The following ATL1 variants were observed in gnomAD, a reference collection of about 807,000 sequenced individuals.
ATL1 encodes atlastin-1.
A neutral mutation model predicts 75.5 loss-of-function variants in ATL1; 31 were observed. The observed-to-expected ratio is 0.41, with a 90% CI of 0.31 to 0.55. ATL1 has a LOEUF of 0.55. ATL1 is among the 20% of genes least tolerant of loss of function. The pLI is 0.27. For missense variants in ATL1, 405 were observed against 662.6 expected, an observed-to-expected ratio of 0.61 and a Z score of 4.27; for synonymous variants, 226 against 233.3, an observed-to-expected ratio of 0.97 and a Z score of 0.28.
At chr14:50,563,995 A>G (rs1461844973) in intron 1 of ATL1, among the ~76,000 whole-genome samples, 1 of 152,160 alleles carries the variant, frequency 6.6e-6, no homozygotes, top group East Asian at 1.9e-4. Context: ...GTTTGCTTCC[A>G]CAGTCCATGC....
intron 4 of ATL1, 62 bp downstream of exon 4, chr14:50,591,701 C>G: frequency 2.6e-6 from 3 of 1,146,950 alleles, no homozygotes; most frequent in Non-Finnish European, 1.3e-6. Context: ...ATATGTGTTT[C>G]TACATACATG....
chr14:50,559,695 C>T (rs1454815773), upstream of ATL1: 1 of 153,322 alleles, frequency 6.5e-6, no homozygotes, highest in Admixed American at 6.5e-5. Flanking sequence ...TATACATATA[C>T]AAAAATGCAT....
At chr14:50,593,779 A>C (rs2039186306) in intron 4 of ATL1, 67 bp from the exon 5 acceptor site, 4 of 1,007,196 alleles carry the variant, frequency 4.0e-6, no homozygotes, top group South Asian at 2.6e-5. Context: ...AAAAGTAGGG[A>C]ATGATGAAGT....
intron 1 of ATL1, among the ~76,000 whole-genome samples, chr14:50,586,333 C>T (rs2039101858): frequency 6.6e-6 from 1 of 152,168 alleles, no homozygotes; most frequent in Admixed American, 6.6e-5. Flanking sequence ...TGAGATGAGA[C>T]TGCCAGCAGG....
At chr14:50,587,317 T>A (rs933720639) in intron 1 of ATL1, among the ~76,000 whole-genome samples, 1 of 152,256 alleles carries the variant, frequency 6.6e-6, no homozygotes, top group Non-Finnish European at 1.5e-5. Context: ...TTCAGTCATA[T>A]GATCAGAAAG....
chr14:50,625,628 T>C (rs2140236911), intron 11 of ATL1, among the ~76,000 whole-genome samples: 1 of 152,216 alleles, frequency 6.6e-6, no homozygotes, highest in South Asian at 2.1e-4. Flanking sequence ...CACTTAAGAA[T>C]CATGCTAGGC....
At chr14:50,597,965 G>C (rs143348569) in intron 6 of ATL1, among the ~76,000 whole-genome samples, 68 of 152,246 alleles carry the variant, frequency 4.5e-4, no homozygotes, top group African/African-American at 1.6e-3. Context: ...AAAGTGCTGG[G>C]ATTACAGGCG....
chr14:50,556,901 G>T (rs1376219775), upstream of ATL1, among the ~76,000 whole-genome samples: 2 of 152,002 alleles, frequency 1.3e-5, no homozygotes, highest in South Asian at 2.1e-4. Context: ...CTAGTTATTT[G>T]GCACTGGGAT....
intron 8 of ATL1, among the ~76,000 whole-genome samples, chr14:50,620,311 G>T (rs1436935631): frequency 6.6e-6 from 1 of 152,060 alleles, no homozygotes; most frequent in Non-Finnish European, 1.5e-5. Flanking sequence ...ATATGAATGG[G>T]CTACATACAA....
intron 1 of ATL1, among the ~76,000 whole-genome samples, chr14:50,534,692 A>G (rs2038471075): frequency 6.6e-6 from 1 of 152,268 alleles, no homozygotes; most frequent in African/African-American, 2.4e-5. Flanking sequence ...GTGGTTAAAA[A>G]GTCGAGACTC....
chr14:50,540,630 C>T (rs79674187), intron 1 of ATL1, among the ~76,000 whole-genome samples: 18 of 152,028 alleles, frequency 1.2e-4, no homozygotes, highest in Admixed American at 9.8e-4. Context: ...CTCAAAATAC[C>T]GCCAAAATTC....
chr14:50,597,157 C>T (rs184123805), intron 6 of ATL1, among the ~76,000 whole-genome samples: 1 of 134,696 alleles, frequency 7.4e-6, no homozygotes, highest in East Asian at 2.3e-4. Flanking sequence ...TGCAGTGAGC[C>T]AAGATTGCAC....
At chr14:50,627,893 G>C in intron 11 of ATL1, 138 bp from the exon 12 acceptor site, 1 of 781,784 alleles carries the variant, frequency 1.3e-6, no homozygotes, top group Non-Finnish European at 2.1e-6. Context: ...GTGGAAAGAT[G>C]TGGGCTGACA....
chr14:50,571,665 C>A (rs1055019694), intron 1 of ATL1, among the ~76,000 whole-genome samples: 6 of 152,074 alleles, frequency 3.9e-5, no homozygotes, highest in Non-Finnish European at 8.8e-5. Context: ...TCTTGCATTT[C>A]TAGAATAAAT....
chr14:50,533,082 A>C (rs906383887), exon 1 of ATL1: 2 of 152,300 alleles, frequency 1.3e-5, no homozygotes, highest in African/African-American at 2.4e-5. Context: ...CGGTGGTACC[A>C]GTTTGAGGCT....
chr14:50,598,429 C>T (rs778528481), intron 6 of ATL1, among the ~76,000 whole-genome samples: 2 of 151,870 alleles, frequency 1.3e-5, no homozygotes, highest in African/African-American at 2.4e-5. Flanking sequence ...GTCATGATCT[C>T]GGCTCACTAC....
At chr14:50,558,439 C>T (rs1292287519), upstream of ATL1, among the ~76,000 whole-genome samples, 1 of 152,140 alleles carries the variant, frequency 6.6e-6, no homozygotes, top group South Asian at 2.1e-4. Context: ...AGGCAAGGAT[C>T]AATGGATGCT....
intron 1 of ATL1, among the ~76,000 whole-genome samples, chr14:50,539,353 G>A (rs2038533349): frequency 6.6e-6 from 1 of 152,230 alleles, no homozygotes; most frequent in Admixed American, 6.5e-5. Flanking sequence ...TTCTGTGAGA[G>A]TACATGAAAA....
intron 1 of ATL1, among the ~76,000 whole-genome samples, chr14:50,567,359 T>C (rs2038914217): frequency 6.6e-6 from 1 of 152,228 alleles, no homozygotes. Context: ...TTTTATCCAT[T>C]CATCTGTTGA....
Sources: gnomAD v4.1 joint callset for allele counts (sites outside exome capture counted in the v4.1 genomes callset) on GRCh38, gnomAD v4.1.1 for gene constraint, MANE v1.5 for transcripts, NCBI Gene and HGNC (gene_info 2026-07-23, HGNC 2026-07-21) for gene names.